Variants in CPLANE1 observed in about 807,000 individuals in gnomAD.
The protein encoded by CPLANE1 is ciliogenesis and planar polarity effector complex subunit 1.
In CPLANE1, 263 loss-of-function variants were observed where a neutral mutation model predicts 362.5. The observed-to-expected ratio is 0.73, with a 90% confidence interval of 0.66 to 0.80. CPLANE1 has a LOEUF of 0.80. CPLANE1 is among the 30% of genes least tolerant of loss of function. The pLI, the probability that CPLANE1 is intolerant of heterozygous loss-of-function variation, is 0.00. For missense variants in CPLANE1, 3,461 were observed against 3,793.4 expected (o/e 0.91, Z 2.30); for synonymous variants, 1,212 against 1,302.6 (o/e 0.93, Z 1.50).
intron 51 of CPLANE1, among the ~76,000 whole-genome samples, chr5:37,109,296 C>T (rs1381608426): frequency 1.3e-5 from 2 of 152,164 alleles, no homozygotes; most frequent in Admixed American, 6.5e-5. Flanking sequence ...CTGAAGATAT[C>T]TCCAAGAAAT....
the CPLANE1 span, among the ~76,000 whole-genome samples, chr5:37,094,648 G>A: frequency 2.0e-5 from 3 of 152,032 alleles, no homozygotes; most frequent in East Asian, 1.9e-4. Context: ...ACAAAAACCT[G>A]GTTCATTGAA....
chr5:37,123,577 G>A (rs1258596282), intron 47 of CPLANE1, among the ~76,000 whole-genome samples: 1 of 152,220 alleles, frequency 6.6e-6, no homozygotes, highest in Non-Finnish European at 1.5e-5. Flanking sequence ...AGTGCACTCT[G>A]TTGCCCAGGC....
chr5:37,154,860 T>C (rs1344342721), intron 41 of CPLANE1, among the ~76,000 whole-genome samples: 3 of 152,162 alleles, frequency 2.0e-5, no homozygotes, highest in Non-Finnish European at 4.4e-5. Context: ...CCCATAAGCA[T>C]ATAAAAATGA....
intron 9 of CPLANE1, among the ~76,000 whole-genome samples, chr5:37,228,462 G>A (rs1424092969): frequency 6.6e-6 from 1 of 151,866 alleles, no homozygotes; most frequent in Non-Finnish European, 1.5e-5. Flanking sequence ...TTAGCCAAAT[G>A]GCAACAATAG....
chr5:37,128,846 C>CA (rs201990127), intron 46 of CPLANE1, among the ~76,000 whole-genome samples: 52 of 137,164 alleles, frequency 3.8e-4, no homozygotes, highest in Admixed American at 1.3e-3. Context: ...GCAACTCTGT[C>CA]AAAAAAAACC....
chr5:37,246,347 T>C (rs886834907), intron 2 of CPLANE1: 2 of 152,138 alleles, frequency 1.3e-5, no homozygotes, highest in Admixed American at 6.6e-5. Context: ...GAGGTCATCA[T>C]ATTGATACCG....
intron 46 of CPLANE1, among the ~76,000 whole-genome samples, chr5:37,135,023 C>G (rs1767206015): frequency 6.6e-6 from 1 of 151,992 alleles, no homozygotes; most frequent in African/African-American, 2.4e-5. Context: ...CAACTCCCAA[C>G]CTCAGGTGAT....
Position 37,145,432 on chromosome 5 carries a change from T to A in CPLANE1, c.8461+2749A>T, listed in dbSNP as rs184730486. On this transcript the variant is annotated intron_variant, in intron 43 of 52. Transcript: ENST00000651892. ...TCACCTTAATTTAAAATGAAAAAAATTTTAAGAGACGGTGTCTCACTATGT... is the reference window on the plus strand; with the variant it reads ...TCACCTTAATTTAAAATGAAAAAAAATTTAAGAGACGGTGTCTCACTATGT... Among the ~76,000 whole-genome samples, 201 of 152,246 alleles carry A rather than the reference T, an allele frequency of 1.3e-3. 2 individuals carry two copies. Among genetic ancestry groups the A allele is most frequent in the African/African-American group, 4.6e-3 (193 of 41,546 alleles).
intron 21 of CPLANE1, among the ~76,000 whole-genome samples, 191 bp downstream of exon 21, chr5:37,195,667 T>C (rs1787179754): frequency 6.9e-6 from 1 of 145,738 alleles, no homozygotes; most frequent in Non-Finnish European, 1.5e-5. Flanking sequence ...AATTTGTTTA[T>C]ATAAGAAATT....
chr5:37,148,042 A>C (rs1161793726), intron 43 of CPLANE1, 139 bp downstream of exon 43: 3 of 440,516 alleles, frequency 6.8e-6, no homozygotes, highest in Middle Eastern at 3.0e-4. Context: ...AAATAATCCT[A>C]ATCTAAAAAC....
chr5:37,184,266 G>A (rs987862596), intron 25 of CPLANE1, among the ~76,000 whole-genome samples: 1 of 152,008 alleles, frequency 6.6e-6, no homozygotes, highest in African/African-American at 2.4e-5. Flanking sequence ...CCTTTTAAAT[G>A]TTTCTTCTCA....
At chr5:37,246,384 T>G (rs1224622972) in intron 2 of CPLANE1, 1 of 152,238 alleles carries the variant, frequency 6.6e-6, no homozygotes, top group Non-Finnish European at 1.5e-5. Context: ...GTAATCGGTA[T>G]AGCACACTGC....
the CPLANE1 span, among the ~76,000 whole-genome samples, chr5:37,095,954 C>T: frequency 6.6e-6 from 1 of 152,188 alleles, no homozygotes; most frequent in African/African-American, 2.4e-5. Flanking sequence ...AAACACATCC[C>T]ATGCTCATGG....
chr5:37,229,251 TTTGCTAAATATAATCGAGGAGGCCGGG>T (rs1797160118), intron 9 of CPLANE1, among the ~76,000 whole-genome samples: 3 of 151,546 alleles, frequency 2.0e-5, no homozygotes, highest in Admixed American at 2.0e-4. Flanking sequence ...AAATGTCATT[TTTGCTAAATATAATCGAGGAGGCCGGG>T]CGCGGTGGCT....
At chr5:37,164,233 C>T in intron 37 of CPLANE1, 40 bp downstream of exon 37, 1 of 1,467,760 alleles carries the variant, frequency 6.8e-7, no homozygotes, top group Non-Finnish European at 9.5e-7. Flanking sequence ...CTAATTTTAA[C>T]TCTAAACTTA....
At chr5:37,224,830 T>C in intron 12 of CPLANE1, 90 bp from the exon 13 acceptor site, 2 of 766,960 alleles carry the variant, frequency 2.6e-6, no homozygotes, top group Non-Finnish European at 4.2e-6. Context: ...TTTTTGCCTG[T>C]ATTCTTCATC....
intron 23 of CPLANE1, among the ~76,000 whole-genome samples, chr5:37,186,621 G>A (rs1303381755): frequency 1.3e-5 from 2 of 152,074 alleles, no homozygotes; most frequent in African/African-American, 2.4e-5. Context: ...TATATTCAAG[G>A]TGTACAATGT....
chr5:37,109,894 C>T (rs898738634), intron 51 of CPLANE1, among the ~76,000 whole-genome samples: 9 of 152,136 alleles, frequency 5.9e-5, no homozygotes, highest in African/African-American at 9.7e-5. Context: ...TGGCCTCAAG[C>T]GATCGGCCTG....
chr5:37,219,918 G>A (rs986251690), intron 15 of CPLANE1, among the ~76,000 whole-genome samples: 3 of 151,982 alleles, frequency 2.0e-5, no homozygotes, highest in Non-Finnish European at 2.9e-5. Context: ...ATATGAACAC[G>A]TATTACTTCC....
Sources: gnomAD v4.1 joint callset for allele counts (sites outside exome capture counted in the v4.1 genomes callset) on GRCh38, gnomAD v4.1.1 for gene constraint, MANE v1.5 for transcripts, NCBI Gene and HGNC (gene_info 2026-07-23, HGNC 2026-07-21) for gene names.